The following PLXNA4 variants were observed in gnomAD, a reference collection of about 807,000 sequenced individuals.
PLXNA4 encodes the protein plexin A4.
A neutral mutation model predicts 191.8 loss-of-function variants in PLXNA4; 44 were observed. That is an observed-to-expected ratio of 0.23 (90% CI 0.18 to 0.29). The LOEUF (loss-of-function observed/expected upper bound fraction) is 0.29, where lower values mean the gene tolerates loss of function less well. Among genes scored for constraint, PLXNA4 ranks in the 10% least tolerant of loss-of-function variants. PLXNA4 has a pLI of 1.00. For synonymous variants in PLXNA4, 1,082 were observed against 1,009.5 expected, an observed-to-expected ratio of 1.07 and a Z score of -1.36; for missense variants, 1,800 against 2,488.8, an observed-to-expected ratio of 0.72 and a Z score of 5.89.
intron 3 of PLXNA4, among the ~76,000 whole-genome samples, chr7:132,332,270 AG>A (rs1204795234): frequency 6.6e-6 from 1 of 152,178 alleles, no homozygotes; most frequent in Non-Finnish European, 1.5e-5. Context: ...ATGCACTACC[AG>A]GGTCACAGCC....
chr7:132,311,193 T>TGTGTGTGTGTGTGTGTGTGCGCGC (rs71178034), intron 3 of PLXNA4, among the ~76,000 whole-genome samples: 19 of 89,906 alleles, frequency 2.1e-4, no homozygotes, highest in African/African-American at 3.5e-4. Context: ...TGTGTGTGTG[T>TGTGTGTGTGTGTGTGTGTGCGCGC]GCGCGTGTGG....
chr7:132,624,323 C>T (rs1803328655), intron 2 of PLXNA4, among the ~76,000 whole-genome samples: 1 of 152,172 alleles, frequency 6.6e-6, no homozygotes, highest in African/African-American at 2.4e-5. Flanking sequence ...ATATGCAAAG[C>T]ACATACAGAC....
intron 25 of PLXNA4, among the ~76,000 whole-genome samples, chr7:132,158,715 A>C (rs1192759754): frequency 6.6e-6 from 1 of 151,796 alleles, no homozygotes; most frequent in Non-Finnish European, 1.5e-5. Flanking sequence ...CAGGACTCAA[A>C]TCTAGATGTG....
chr7:132,265,601 A>G (rs1023165741), intron 4 of PLXNA4, among the ~76,000 whole-genome samples: 20 of 152,322 alleles, frequency 1.3e-4, no homozygotes, highest in African/African-American at 4.6e-4. Flanking sequence ...TGCAGACAAG[A>G]TCAGTGGGGT....
intron 22 of PLXNA4, 28 bp downstream of exon 22, chr7:132,168,276 A>G (rs753003597): frequency 8.0e-6 from 12 of 1,500,878 alleles, no homozygotes; most frequent in African/African-American, 1.4e-5. Flanking sequence ...GCTAGGCTGG[A>G]GCAGGGTGCC....
chr7:132,490,868 T>TC (rs1423076616), intron 2 of PLXNA4, among the ~76,000 whole-genome samples: 3 of 152,154 alleles, frequency 2.0e-5, no homozygotes. Flanking sequence ...TGGGGCCAGT[T>TC]CCCCCACTGT....
chr7:132,330,447 A>G (rs953045333), intron 3 of PLXNA4, among the ~76,000 whole-genome samples: 20 of 152,236 alleles, frequency 1.3e-4, no homozygotes, highest in Admixed American at 1.3e-3. Context: ...AAGGGACAGA[A>G]ACAGAGAAAG....
At chr7:132,544,350 G>C (rs1003159143) in intron 1 of PLXNA4, among the ~76,000 whole-genome samples, 1 of 152,234 alleles carries the variant, frequency 6.6e-6, no homozygotes, top group African/African-American at 2.4e-5. Context: ...ACCTCTTGGA[G>C]AGTCAGAGAG....
chr7:132,201,919 C>T lies in PLXNA4; in HGVS notation c.2586+727G>A, dbSNP rs538426152. On this transcript the variant is annotated intron_variant, in intron 12 of 31. Transcript: ENST00000321063. ...GCTGGGCCCAGAGCAAGGTACCTTG[C>T]CTGTAGGTGCGTGTGAAATCCTTCC... Among the ~76,000 whole-genome samples the T allele has an allele frequency of 3.9e-5, 6 of 152,232 alleles. No homozygotes were observed. The South Asian group carries it at 1.2e-3, about 32-fold the overall frequency.
chr7:132,518,041 A>G (rs951222562), intron 1 of PLXNA4, among the ~76,000 whole-genome samples: 4 of 152,130 alleles, frequency 2.6e-5, no homozygotes, highest in African/African-American at 7.2e-5. Context: ...GGAGCCATGA[A>G]TTATTTTACA....
In PLXNA4 at chr7:132,518,905, G is replaced by A. The variant is rs114468266; in HGVS notation, c.-86-10126C>T. Among the ~76,000 whole-genome samples, 359 of 150,102 alleles carry A rather than the reference G, an allele frequency of 2.4e-3. 9 individuals carry two copies. The South Asian group carries it at 0.029, about 12-fold the overall frequency. On this transcript the variant is annotated intron_variant, in intron 1 of 31. Coordinates refer to ENST00000321063, the MANE Select transcript of PLXNA4 (RefSeq NM_020911.2). The stretch of plus-strand genomic sequence containing the variant: ...GTGTTCCCTCAGGGTACAAAACCAC[G>A]TCTCCCTGGCCAAGTCTGCCGTTCC...
chr7:132,623,413 T>C (rs771748847), intron 2 of PLXNA4, among the ~76,000 whole-genome samples: 2 of 152,066 alleles, frequency 1.3e-5, no homozygotes, highest in South Asian at 4.2e-4. Context: ...AAAGTCTTCA[T>C]ACCCTGATTA....
rs1279555571 is a variant in PLXNA4, at chr7:132,198,641, A to G, written c.2587-5T>C. On this transcript the variant is annotated splice_region_variant and splice_polypyrimidine_tract_variant and intron_variant, in intron 12 of 31. Transcript: ENST00000321063. Reference sequence around the variant, plus strand: ...GGGGCCTGTCACCGGGATTATCTGGAGGGAGGAAGAGAAATAATTAGACAA... The same window carrying G: ...GGGGCCTGTCACCGGGATTATCTGGGGGGAGGAAGAGAAATAATTAGACAA... 6.2e-7 allele frequency: 1 copy of G among 1,613,670 alleles called. No individual in the cohort carries two copies. Among genetic ancestry groups the G allele is most frequent in the Non-Finnish European group, 8.5e-7 (1 of 1,179,928 alleles).
intron 2 of PLXNA4, among the ~76,000 whole-genome samples, chr7:132,622,593 G>C (rs76916017): frequency 6.6e-6 from 1 of 151,976 alleles, no homozygotes; most frequent in Non-Finnish European, 1.5e-5. Context: ...GCTAAGAAAA[G>C]AGATTTCTTC....
chr7:132,419,572 T>G (rs1305535842), intron 3 of PLXNA4, among the ~76,000 whole-genome samples: 3 of 152,226 alleles, frequency 2.0e-5, no homozygotes. Context: ...TTACAACAAG[T>G]GATACACTCT....
At chr7:132,206,460 G>A (rs1460013261) in intron 10 of PLXNA4, among the ~76,000 whole-genome samples, 1 of 151,892 alleles carries the variant, frequency 6.6e-6, no homozygotes, top group Non-Finnish European at 1.5e-5. Flanking sequence ...GTGTGTGTGT[G>A]TGTGTGTGTG....
At chr7:132,484,730 T>G in intron 3 of PLXNA4, 1 of 1,566,786 alleles carries the variant, frequency 6.4e-7, no homozygotes, top group Non-Finnish European at 8.6e-7. Context: ...CCATTTGATT[T>G]CCTGACACTT....
At chr7:132,215,534 CT>C (rs1797936284) in intron 9 of PLXNA4, among the ~76,000 whole-genome samples, 1 of 152,194 alleles carries the variant, frequency 6.6e-6, no homozygotes, top group South Asian at 2.1e-4. Flanking sequence ...ACAGCAAGCC[CT>C]TTTCCACTAT....
intron 4 of PLXNA4, among the ~76,000 whole-genome samples, chr7:132,281,516 T>C (rs1400623690): frequency 6.6e-6 from 1 of 152,214 alleles, no homozygotes; most frequent in Non-Finnish European, 1.5e-5. Context: ...TTTAAAAGTT[T>C]TAAGATATGA....
Sources: gnomAD v4.1 joint callset for allele counts (sites outside exome capture counted in the v4.1 genomes callset) on GRCh38, gnomAD v4.1.1 for gene constraint, MANE v1.5 for transcripts, NCBI Gene and HGNC (gene_info 2026-07-23, HGNC 2026-07-21) for gene names.